Variants in SEMA5B observed in about 807,000 individuals in gnomAD.
SEMA5B encodes the protein semaphorin 5B, also known as semaphorin-5B.
SEMA5B carries 66 observed loss-of-function variants against 135.0 expected under a neutral mutation model. The ratio of observed to expected loss-of-function variants is 0.49; its 90% CI spans 0.40 to 0.60. The LOEUF (loss-of-function observed/expected upper bound fraction) is 0.60. Among genes scored for constraint, SEMA5B ranks in the 20% least tolerant of loss-of-function variants. The pLI, the probability that SEMA5B is intolerant of heterozygous loss-of-function variation, is 0.00. For missense variants in SEMA5B, 1,501 were observed against 1,566.3 expected (o/e 0.96, Z 0.70); for synonymous variants, 690 against 639.5 (o/e 1.08, Z -1.19).
At chr3:122,948,176 T>G (rs993429996) in intron 3 of SEMA5B, among the ~76,000 whole-genome samples, 1 of 152,144 alleles carries the variant, frequency 6.6e-6, no homozygotes, top group Non-Finnish European at 1.5e-5. Context: ...TCCTAATGCA[T>G]GAGTCATGCT....
At chr3:122,942,366 AG>A in intron 4 of SEMA5B, among the ~76,000 whole-genome samples, 1 of 152,310 alleles carries the variant, frequency 6.6e-6, no homozygotes, top group Admixed American at 6.5e-5. Flanking sequence ...AGAAAGCTCC[AG>A]GGCAAGGATG....
chr3:122,987,272 C>T (rs180984022), intron 1 of SEMA5B, among the ~76,000 whole-genome samples: 1 of 152,160 alleles, frequency 6.6e-6, no homozygotes, highest in Admixed American at 6.5e-5. Context: ...GCAGTCTTGT[C>T]CCCCCCATAA....
rs1234476047 is a variant in SEMA5B at position 122,921,918 on chromosome 3, T to C, written c.1685A>G (p.Gln562Arg). ...PLERCAAYRS[Q>R]GACLGARDPY... Reference sequence around the variant, plus strand: ...GAGCCGCCCCGTCCCGGCTTACCCCTGGCTGCGGTAGGCGGCGCACCTCTC... The same window carrying C: ...GAGCCGCCCCGTCCCGGCTTACCCCCGGCTGCGGTAGGCGGCGCACCTCTC... Residue 562 changes from glutamine (Q) to arginine (R), a missense_variant, in exon 12 of 23, where the codon CAG becomes CGG. Gln to Arg is a conservative substitution (Grantham distance 43). Around this residue, in one of 2 missense-constraint regions of SEMA5B, gnomAD observed 927 missense variants for 881.6 expected, o/e 1.05. Transcript: ENST00000357599. 1 of 1,532,398 alleles carries C rather than the reference T, an allele frequency of 6.5e-7. No homozygotes were observed. 94.9% of individuals were successfully genotyped at this position (1,532,398 alleles called of 1,614,324 possible). A position where few individuals can be genotyped will look rare whatever the true frequency, so the allele number is the denominator to read the frequency against.
At chr3:122,943,670 T>A (rs949068845) in intron 3 of SEMA5B, 135 bp from the exon 4 acceptor site, 29 of 623,816 alleles carry the variant, frequency 4.6e-5, no homozygotes, top group Non-Finnish European at 6.5e-5. Flanking sequence ...TGGTGCCACC[T>A]GCCCACCTCT....
chr3:122,968,807 C>A (rs953625872), intron 1 of SEMA5B, among the ~76,000 whole-genome samples: 2 of 149,732 alleles, frequency 1.3e-5, no homozygotes, highest in Admixed American at 1.3e-4. Flanking sequence ...TACATCTTTT[C>A]TGCCACATGA....
At chr3:122,915,411 G>T (rs1938011113) in intron 14 of SEMA5B, 29 bp downstream of exon 14, 4 of 1,576,602 alleles carry the variant, frequency 2.5e-6, no homozygotes, top group African/African-American at 2.7e-5. Context: ...GTCCAAGGCA[G>T]ACACCATGTA....
intron 5 of SEMA5B, among the ~76,000 whole-genome samples, chr3:122,938,439 A>G (rs1939401159): frequency 1.3e-5 from 2 of 152,224 alleles, no homozygotes. Flanking sequence ...GCAACCAGCC[A>G]AGAACTGCAA....
chr3:122,953,983 C>A (rs1450479351), intron 2 of SEMA5B, among the ~76,000 whole-genome samples: 2 of 152,200 alleles, frequency 1.3e-5, no homozygotes. Context: ...TGTGTGAACC[C>A]CCAAGGTCAA....
At chr3:122,941,393 C>G (rs532267506) in intron 4 of SEMA5B, among the ~76,000 whole-genome samples, 2 of 152,202 alleles carry the variant, frequency 1.3e-5, no homozygotes, top group Admixed American at 1.3e-4. Flanking sequence ...AGCCGCAGAG[C>G]GGATGAGGAA....
At chr3:122,958,143 C>G (rs989203881) in intron 2 of SEMA5B, 1 of 152,302 alleles carries the variant, frequency 6.6e-6, no homozygotes, top group Admixed American at 6.5e-5. Context: ...GGCAGCTTCC[C>G]CCAGCCCAGG....
intron 1 of SEMA5B, among the ~76,000 whole-genome samples, chr3:122,987,159 T>C (rs369907929): frequency 1.2e-3 from 176 of 151,740 alleles, no homozygotes; most frequent in African/African-American, 3.9e-3. Context: ...AGTAAAGTGA[T>C]GCCGGGAAGG....
chr3:123,020,671 C>T (rs1282981642), intron 1 of SEMA5B, among the ~76,000 whole-genome samples: 1 of 152,176 alleles, frequency 6.6e-6, no homozygotes, highest in Non-Finnish European at 1.5e-5. Context: ...ACCATGGCTG[C>T]CTATTCGAAG....
chr3:122,948,751 C>T, intron 2 of SEMA5B, 42 bp from the exon 3 acceptor site: 1 of 1,485,802 alleles, frequency 6.7e-7, no homozygotes. Flanking sequence ...CTCCCTCCAA[C>T]TGGGCCCACT....
intron 1 of SEMA5B, among the ~76,000 whole-genome samples, chr3:122,974,866 G>T (rs1941259795): frequency 6.6e-6 from 1 of 152,194 alleles, no homozygotes. Context: ...AAGAATAACA[G>T]CTAACAGGCT....
At chr3:123,001,388 A>T (rs1366488435) in intron 1 of SEMA5B, among the ~76,000 whole-genome samples, 2 of 151,930 alleles carry the variant, frequency 1.3e-5, no homozygotes, top group East Asian at 3.9e-4. Context: ...CCCCACCCTG[A>T]CCTCCACTGT....
chr3:122,948,687 G>C lies in SEMA5B; in HGVS notation c.147C>G (p.Pro49=), dbSNP rs373100958. 3.1e-6 allele frequency: 5 copies of C among 1,605,678 alleles called. No individual in the cohort carries two copies. The highest frequency in any genetic ancestry group is 2.7e-5 in the African/African-American group (2 of 74,746). The change falls in exon 3 of 23, where the codon CCC becomes CCG. Residue 49 remains proline (P), a synonymous_variant. Coordinates refer to ENST00000357599, the MANE Select transcript of SEMA5B (RefSeq NM_001031702.4). The part of the protein sequence containing the change: ...LVRGLLPCLP[P]GARTAEGPIM... ...TAGGCCCCTCTGCAGTCCTAGCTCC[G>C]GGAGGCAGACAGGGGAGAAGACCTG...
At chr3:123,014,456 C>T (rs996825361) in intron 1 of SEMA5B, among the ~76,000 whole-genome samples, 2 of 152,238 alleles carry the variant, frequency 1.3e-5, no homozygotes, top group Admixed American at 6.5e-5. Context: ...TTCATGAAAT[C>T]ATTGTGTATA....
At chr3:123,023,164 T>G (rs986782543) in intron 1 of SEMA5B, among the ~76,000 whole-genome samples, 16 of 152,328 alleles carry the variant, frequency 1.1e-4, no homozygotes, top group African/African-American at 3.6e-4. Context: ...TCAATGAAAT[T>G]CCATTAGTCC....
intron 1 of SEMA5B, among the ~76,000 whole-genome samples, chr3:123,003,438 T>TAA (rs78222078): frequency 3.4e-5 from 5 of 147,862 alleles, no homozygotes; most frequent in African/African-American, 9.9e-5. Flanking sequence ...ACTTTAGAGA[T>TAA]AAAAAAAAAA....
Sources: gnomAD v4.1 joint callset for allele counts (sites outside exome capture counted in the v4.1 genomes callset) on GRCh38, gnomAD v4.1.1 for gene constraint, gnomAD v4.1.1 regional missense constraint, MANE v1.5 for transcripts, NCBI Gene and HGNC (gene_info 2026-07-23, HGNC 2026-07-21) for gene names.